Variants in HOOK3 observed in about 807,000 individuals in gnomAD.
The protein encoded by HOOK3 is protein Hook homolog 3.
A neutral mutation model predicts 116.3 loss-of-function variants in HOOK3; 24 were observed. The observed-to-expected ratio is 0.21, with a 90% CI of 0.15 to 0.29. The LOEUF is 0.29. Ranked by LOEUF, HOOK3 falls within the 10% of genes least tolerant of loss-of-function variation. The probability of loss-of-function intolerance (pLI) is 1.00; values close to 1 mark genes in which losing one functional copy is unlikely to be tolerated. For synonymous variants in HOOK3, 275 were observed against 283.0 expected, an observed-to-expected ratio of 0.97 and a Z score of 0.28; for missense variants, 632 against 830.2, an observed-to-expected ratio of 0.76 and a Z score of 2.93.
intron 4 of HOOK3, among the ~76,000 whole-genome samples, chr8:42,935,143 T>C (rs1047495686): frequency 1.3e-5 from 2 of 152,254 alleles, no homozygotes; most frequent in Non-Finnish European, 2.9e-5. Flanking sequence ...TAATGACCAA[T>C]GATGGTGAGC....
At chr8:42,999,011 A>C (rs1586628161) in intron 16 of HOOK3, among the ~76,000 whole-genome samples, 1 of 152,162 alleles carries the variant, frequency 6.6e-6, no homozygotes, top group African/African-American at 2.4e-5. Flanking sequence ...TCTGGTCTCT[A>C]AAAGTCTGAG....
chr8:42,966,693 T>C, intron 10 of HOOK3, 80 bp downstream of exon 10: 2 of 1,492,228 alleles, frequency 1.3e-6, no homozygotes, highest in East Asian at 2.3e-5. Context: ...TCTAGCAAAC[T>C]TAAGAGCCAG....
chr8:42,978,761 C>T (rs1381041400), intron 13 of HOOK3, among the ~76,000 whole-genome samples: 3 of 152,102 alleles, frequency 2.0e-5, no homozygotes, highest in Non-Finnish European at 4.4e-5. Flanking sequence ...GTTGGCCAGG[C>T]TGATCTTGAA....
chr8:42,973,978 T>C (rs570703086), intron 12 of HOOK3, 129 bp from the exon 13 acceptor site: 11 of 717,410 alleles, frequency 1.5e-5, no homozygotes, highest in Non-Finnish European at 2.4e-5. Context: ...GATCTTTCCA[T>C]AGAAAAGCAA....
At chr8:42,958,612 T>A (rs1808480931) in intron 7 of HOOK3, among the ~76,000 whole-genome samples, 1 of 150,006 alleles carries the variant, frequency 6.7e-6, no homozygotes, top group Admixed American at 6.6e-5. Context: ...TTTTTTTTTT[T>A]TTTTTTTAAG....
Position 42,947,334 on chromosome 8 carries a change from T to G in HOOK3, c.401-3054T>G, listed in dbSNP as rs561027244. Among the ~76,000 whole-genome samples, 5 of 152,332 alleles carry G rather than the reference T, an allele frequency of 3.3e-5. No individual in the cohort carries two copies. In the South Asian group the frequency reaches 1.0e-3, roughly 32 times the overall value. Reference sequence around the variant, plus strand: ...CTTATGTATCCTTTTAGGAAATTCATTGACTTCTGGAATTCTCCTTAATAT... The same window carrying G: ...CTTATGTATCCTTTTAGGAAATTCAGTGACTTCTGGAATTCTCCTTAATAT... On this transcript the variant is annotated intron_variant, in intron 5 of 21. Coordinates refer to ENST00000307602, the MANE Select transcript of HOOK3 (RefSeq NM_032410.4).
intron 2 of HOOK3, 72 bp from the exon 3 acceptor site, chr8:42,925,485 T>G: frequency 2.1e-6 from 2 of 961,680 alleles, no homozygotes. Flanking sequence ...TTATATGGGA[T>G]GAGATTCAAT....
At chr8:42,983,502 G>T (rs984849105) in intron 14 of HOOK3, among the ~76,000 whole-genome samples, 1 of 151,496 alleles carries the variant, frequency 6.6e-6, no homozygotes, top group Non-Finnish European at 1.5e-5. Flanking sequence ...TATTTATTTA[G>T]AGGCAAGGTC....
In HOOK3 at chr8:43,029,540, G is replaced by C. The variant is rs986345161; in HGVS notation, c.*11042G>C. ...ATGAACTTTGCTGTTTACAGGTTCTGTGTAATTCAGAATGCTTTGTACTTA... is the reference window on the plus strand; with the variant it reads ...ATGAACTTTGCTGTTTACAGGTTCTCTGTAATTCAGAATGCTTTGTACTTA... On this transcript the variant is annotated 3_prime_UTR_variant, in exon 22 of 22. Transcript: ENST00000307602. The C allele has an allele frequency of 5.4e-6, 1 of 186,900 alleles. No individual in the cohort carries two copies. Among genetic ancestry groups the C allele is most frequent in the Non-Finnish European group, 1.1e-5 (1 of 88,596 alleles). 11.6% of individuals were successfully genotyped at this position (186,900 alleles called of 1,614,324 possible). A position where few individuals can be genotyped will look rare whatever the true frequency, so the allele number is the denominator to read the frequency against.
chr8:42,986,989 C>T (rs1399078649), intron 15 of HOOK3, among the ~76,000 whole-genome samples, 194 bp downstream of exon 15: 1 of 152,006 alleles, frequency 6.6e-6, no homozygotes, highest in Non-Finnish European at 1.5e-5. Flanking sequence ...AATGAAACTC[C>T]ATCTCTACAA....
intron 6 of HOOK3, among the ~76,000 whole-genome samples, chr8:42,953,520 C>T (rs549169992): frequency 8.6e-5 from 13 of 151,068 alleles, no homozygotes; most frequent in Admixed American, 1.3e-4. Context: ...GCTGAGATTG[C>T]GCCACTGCAC....
At chr8:42,962,409 T>G (rs796608344) in intron 8 of HOOK3, among the ~76,000 whole-genome samples, 2 of 142,358 alleles carry the variant, frequency 1.4e-5, no homozygotes, top group African/African-American at 2.6e-5. Flanking sequence ...GCCCGTGTGT[T>G]TTTTTTTTTT....
At chr8:42,972,560 A>G (rs1349479981) in intron 11 of HOOK3, among the ~76,000 whole-genome samples, 1 of 152,048 alleles carries the variant, frequency 6.6e-6, no homozygotes, top group African/African-American at 2.4e-5. Flanking sequence ...ATGTGCCACC[A>G]CACCCAGCTA....
At chr8:42,906,382 C>A in intron 2 of HOOK3, 124 bp downstream of exon 2, 1 of 685,010 alleles carries the variant, frequency 1.5e-6, no homozygotes, top group Non-Finnish European at 2.6e-6. Context: ...GCGGCAGCAG[C>A]ACTAGTTTTA....
chr8:42,958,557 T>C (rs1808476905), intron 7 of HOOK3, among the ~76,000 whole-genome samples: 1 of 151,866 alleles, frequency 6.6e-6, no homozygotes, highest in South Asian at 2.1e-4. Context: ...ATGCAAAATT[T>C]TCGTCGTATT....
chr8:42,946,351 A>G (rs1808225663), intron 5 of HOOK3, among the ~76,000 whole-genome samples: 1 of 152,180 alleles, frequency 6.6e-6, no homozygotes, highest in South Asian at 2.1e-4. Context: ...AAATAGTAGA[A>G]GCTGAATGTA....
intron 4 of HOOK3, among the ~76,000 whole-genome samples, chr8:42,936,303 G>T (rs1426595746): frequency 6.6e-6 from 1 of 152,202 alleles, no homozygotes; most frequent in Non-Finnish European, 1.5e-5. Context: ...AGATGATGGG[G>T]TTTTCTAAAT....
intron 8 of HOOK3, among the ~76,000 whole-genome samples, chr8:42,959,805 A>C (rs1296946380): frequency 2.0e-5 from 3 of 152,012 alleles, no homozygotes; most frequent in Admixed American, 1.3e-4. Flanking sequence ...GACAAAAATA[A>C]GATTATTTGT....
chr8:42,963,197 T>C (rs1808568973), intron 8 of HOOK3, among the ~76,000 whole-genome samples: 1 of 152,118 alleles, frequency 6.6e-6, no homozygotes, highest in South Asian at 2.1e-4. Context: ...ACAGGTTGAG[T>C]ATTCCATATA....
Sources: allele counts gnomAD v4.1 joint callset (sites outside exome capture counted in the v4.1 genomes callset), GRCh38; gene constraint gnomAD v4.1.1; transcripts MANE v1.5; gene names NCBI Gene and HGNC (gene_info 2026-07-23, HGNC 2026-07-21).